Variants in EIF4E3 observed in about 807,000 individuals in gnomAD.
EIF4E3 encodes the protein eukaryotic translation initiation factor 4E type 3.
In EIF4E3, 26 loss-of-function variants were observed where a neutral mutation model predicts 31.7. The ratio of observed to expected loss-of-function variants is 0.82; its 90% CI spans 0.60 to 1.14. The LOEUF is 1.14. EIF4E3 is among the 50% of genes most tolerant of loss of function. The probability of loss-of-function intolerance (pLI) is 0.00; values close to 1 mark genes in which losing one functional copy is unlikely to be tolerated. For synonymous variants in EIF4E3, 128 were observed against 107.7 expected (o/e 1.19, Z -1.17); for missense variants, 304 against 270.9 (o/e 1.12, Z -0.86).
upstream of EIF4E3, chr3:71,725,482 AGCCGCCCGCCGCCC>A (rs765946804): frequency 0.017 from 7,591 of 453,036 alleles, 507 homozygotes; most frequent in African/African-American, 0.15. The surrounding 1 kb of genome is among the most constrained non-coding windows in gnomAD (Gnocchi z 6.1). Context: ...GCCCCGGGCT[AGCCGCCCGCCGCCC>A]GCCGCCCGCC....
In EIF4E3 at chr3:71,699,697, A is replaced by G. The variant is rs778022170; in HGVS notation, c.261T>C (p.Ser87=). The G allele has an allele frequency of 3.1e-6, 5 of 1,611,934 alleles. No individual in the cohort carries two copies. The highest frequency in any genetic ancestry group is 2.5e-6 in the Non-Finnish European group (3 of 1,178,888). ...YTVQTVQIFW[S]VYNNIPPVTS... ...TCACAGGAGGGATATTATTGTATAC[A>G]CTCCAAAATATCTTTAAAAGAAAAA... Residue 87 remains serine, a synonymous_variant, in exon 3 of 7, where the codon AGT becomes AGC. Coordinates refer to ENST00000425534, the MANE Select transcript of EIF4E3 (RefSeq NM_001134651.2).
chr3:71,731,296 C>T (rs1450323373), intron 1 of EIF4E3, among the ~76,000 whole-genome samples: 1 of 152,192 alleles, frequency 6.6e-6, no homozygotes, highest in African/African-American at 2.4e-5. Context: ...AAATCCATGG[C>T]TGATCTCTCC....
chr3:71,690,194 T>C (rs772610845), intron 5 of EIF4E3, 29 bp from the exon 6 acceptor site: 4 of 1,532,256 alleles, frequency 2.6e-6, no homozygotes, highest in African/African-American at 2.8e-5. Flanking sequence ...AAAAAAAAAA[T>C]GAGTGATACT....
intron 1 of EIF4E3, among the ~76,000 whole-genome samples, chr3:71,746,589 T>A (rs2049875369): frequency 6.6e-6 from 1 of 152,220 alleles, no homozygotes; most frequent in Non-Finnish European, 1.5e-5. Context: ...GGAGTTCATG[T>A]TACTTGCCAG....
At chr3:71,716,953 C>G (rs577653038) in intron 1 of EIF4E3, among the ~76,000 whole-genome samples, 89 of 152,314 alleles carry the variant, frequency 5.8e-4, no homozygotes, top group African/African-American at 2.1e-3. Flanking sequence ...GATATAATTG[C>G]TGCAGCCTAA....
At chr3:71,737,627 G>A (rs571826915) in intron 1 of EIF4E3, among the ~76,000 whole-genome samples, 3 of 152,086 alleles carry the variant, frequency 2.0e-5, no homozygotes, top group Admixed American at 6.6e-5. Context: ...TTATACAGAG[G>A]AACAAAATAA....
chr3:71,666,066 G>A, the EIF4E3 span, among the ~76,000 whole-genome samples: 5 of 152,220 alleles, frequency 3.3e-5, no homozygotes, highest in East Asian at 9.7e-4. Flanking sequence ...AAATTCAGAA[G>A]CTAGCAGAAG....
the EIF4E3 span, among the ~76,000 whole-genome samples, chr3:71,663,692 C>G: frequency 1.3e-5 from 2 of 152,248 alleles, no homozygotes; most frequent in African/African-American, 4.8e-5. Flanking sequence ...CCCAACCAGG[C>G]CTTTACCGGG....
intron 1 of EIF4E3, among the ~76,000 whole-genome samples, chr3:71,732,327 T>C (rs762418972): frequency 6.6e-6 from 1 of 152,178 alleles, no homozygotes; most frequent in Non-Finnish European, 1.5e-5. Context: ...GGACAAGAGA[T>C]TCACAGAGTT....
In EIF4E3 at chr3:71,679,271, C is replaced by A. The variant is rs947926905; in HGVS notation, c.*5411G>T. On this transcript the variant is annotated 3_prime_UTR_variant, in exon 7 of 7. Coordinates refer to ENST00000425534, the MANE Select transcript of EIF4E3 (RefSeq NM_001134651.2). The stretch of plus-strand genomic sequence containing the variant: ...TAGCATAAATTTTCTATAGAAAACT[C>A]AGAAACACTCAATTTACTTCATGTT... 4 of 152,104 alleles carry A rather than the reference C, an allele frequency of 2.6e-5. No individual in the cohort carries two copies. Among genetic ancestry groups the A allele is most frequent in the Admixed American group, 6.6e-5 (1 of 15,262 alleles). The allele number at this position is 152,104 out of a possible 1,614,324, so 9.4% of individuals were successfully genotyped here.
At chr3:71,748,349 G>A (rs1038310664) in intron 1 of EIF4E3, among the ~76,000 whole-genome samples, 5 of 152,126 alleles carry the variant, frequency 3.3e-5, no homozygotes, top group Non-Finnish European at 7.3e-5. Context: ...TTGGGTGCAC[G>A]CGGAGGCCCT....
chr3:71,707,047 T>C (rs947726787), intron 2 of EIF4E3, among the ~76,000 whole-genome samples: 2 of 152,210 alleles, frequency 1.3e-5, no homozygotes, highest in African/African-American at 4.8e-5. Flanking sequence ...ATCCAGAGTA[T>C]AATCACTTGA....
intron 1 of EIF4E3, among the ~76,000 whole-genome samples, chr3:71,747,335 A>G (rs948508132): frequency 6.6e-6 from 1 of 152,254 alleles, no homozygotes; most frequent in Admixed American, 6.5e-5. Flanking sequence ...GTAGATATGA[A>G]GTGGTATCTC....
intron 1 of EIF4E3, among the ~76,000 whole-genome samples, chr3:71,745,806 G>A (rs2049866211): frequency 6.6e-6 from 1 of 152,110 alleles, no homozygotes; most frequent in Non-Finnish European, 1.5e-5. Context: ...TAAATATAAT[G>A]CAAAAGAAAG....
rs569767663 is a variant in EIF4E3 at position 71,682,070 on chromosome 3, T to C, written c.*2612A>G. 4 of 152,272 alleles carry C rather than the reference T, an allele frequency of 2.6e-5. No homozygotes were observed. The highest frequency in any genetic ancestry group is 2.1e-4 in the South Asian group (1 of 4,822). 9.4% of individuals were successfully genotyped at this position (152,272 alleles called of 1,614,324 possible). Reference sequence around the variant, plus strand: ...TTCAGCAAGTGCTTACGAAAGACAGTCAAAATATAGGCAAGTTACTTTAAA... The same window carrying C: ...TTCAGCAAGTGCTTACGAAAGACAGCCAAAATATAGGCAAGTTACTTTAAA... On this transcript the variant is annotated 3_prime_UTR_variant, in exon 7 of 7. Coordinates refer to ENST00000425534, the MANE Select transcript of EIF4E3 (RefSeq NM_001134651.2).
intron 1 of EIF4E3, among the ~76,000 whole-genome samples, chr3:71,711,590 G>A (rs181297070): frequency 6.6e-6 from 1 of 152,196 alleles, no homozygotes; most frequent in African/African-American, 2.4e-5. Context: ...AATGCCAAAG[G>A]CCCATGCCCA....
At chr3:71,722,861 A>G (rs2049572687) in intron 1 of EIF4E3, among the ~76,000 whole-genome samples, 1 of 152,186 alleles carries the variant, frequency 6.6e-6, no homozygotes. Context: ...TCCTTCTACC[A>G]GCTGGCACCT....
upstream of EIF4E3, chr3:71,754,576 G>A (rs2049981801): frequency 3.6e-6 from 5 of 1,401,122 alleles, no homozygotes; most frequent in South Asian, 4.3e-5. This position sits in a 1 kb window ranked among gnomAD's most constrained non-coding sequence, Gnocchi z 5.8. Context: ...CTGGAGCAGC[G>A]GCCCGACGGC....
downstream of EIF4E3, among the ~76,000 whole-genome samples, chr3:71,671,616 C>T (rs1053367892): frequency 8.5e-5 from 13 of 152,126 alleles, no homozygotes; most frequent in African/African-American, 2.7e-4. Context: ...AACTTCACTC[C>T]GCATACTTAA....
Sources: allele counts gnomAD v4.1 joint callset (sites outside exome capture counted in the v4.1 genomes callset), GRCh38; gene constraint gnomAD v4.1.1; non-coding constraint Gnocchi (gnomAD v3.1); transcripts MANE v1.5; gene names NCBI Gene and HGNC (gene_info 2026-07-23, HGNC 2026-07-21).